TENM3: variants seen among roughly 807,000 people sequenced by gnomAD.
TENM3 encodes teneurin transmembrane protein 3.
In TENM3, 63 loss-of-function variants were observed where a neutral mutation model predicts 255.1. The observed-to-expected ratio is 0.25, with a 90% CI of 0.20 to 0.30. The LOEUF is 0.30. TENM3 is among the 10% of genes least tolerant of loss of function. The pLI, the probability that TENM3 is intolerant of heterozygous loss-of-function variation, is 1.00. For missense variants in TENM3, 2,929 were observed against 3,461.1 expected (o/e 0.85, Z 3.86); for synonymous variants, 1,306 against 1,322.3 (o/e 0.99, Z 0.27).
the TENM3 span, among the ~76,000 whole-genome samples, chr4:182,067,078 T>G: frequency 0.037 from 5,606 of 152,186 alleles, 316 homozygotes; most frequent in African/African-American, 0.13. Context: ...CGAGGGTCCT[T>G]TCTGTCTTTC....
the TENM3 span, among the ~76,000 whole-genome samples, chr4:181,831,395 C>T: frequency 6.6e-6 from 1 of 150,586 alleles, no homozygotes; most frequent in Non-Finnish European, 1.5e-5. Flanking sequence ...ATTTCGGCTA[C>T]AGAAGTTAGA....
intron 1 of TENM3, among the ~76,000 whole-genome samples, chr4:182,216,581 G>A (rs1755484714): frequency 6.6e-6 from 1 of 152,240 alleles, no homozygotes; most frequent in South Asian, 2.1e-4. Flanking sequence ...AAATAAAGGT[G>A]ATGTACGTGT....
chr4:181,605,605 G>GA, the TENM3 span, among the ~76,000 whole-genome samples: 29 of 122,300 alleles, frequency 2.4e-4, no homozygotes, highest in East Asian at 6.7e-3. Flanking sequence ...AAGAAAGAAA[G>GA]AAAGAAAGAA....
At chr4:182,735,373 G>C (rs1203729770) in intron 16 of TENM3, among the ~76,000 whole-genome samples, 1 of 152,116 alleles carries the variant, frequency 6.6e-6, no homozygotes, top group Non-Finnish European at 1.5e-5. Context: ...CATTCATGCT[G>C]CTTCCAACTG....
intron 4 of TENM3, among the ~76,000 whole-genome samples, chr4:182,622,282 G>C (rs2152457098): frequency 6.6e-6 from 1 of 150,946 alleles, no homozygotes; most frequent in Admixed American, 6.6e-5. Flanking sequence ...AGGAGGCGGA[G>C]GTTGCAGTGA....
At chr4:182,561,889 A>G (rs1743215900) in intron 3 of TENM3, among the ~76,000 whole-genome samples, 1 of 152,050 alleles carries the variant, frequency 6.6e-6, no homozygotes, top group Admixed American at 6.6e-5. Flanking sequence ...TAAAAATAAT[A>G]GCAAAACTGC....
the TENM3 span, among the ~76,000 whole-genome samples, chr4:181,842,742 T>C: frequency 6.6e-6 from 1 of 152,206 alleles, no homozygotes; most frequent in Non-Finnish European, 1.5e-5. Flanking sequence ...ATTATCATTT[T>C]TGAGGAAATG....
the TENM3 span, among the ~76,000 whole-genome samples, chr4:181,563,264 T>C: frequency 6.6e-6 from 1 of 152,172 alleles, no homozygotes; most frequent in African/African-American, 2.4e-5. Flanking sequence ...TCTGGAGTTC[T>C]GCTGGCAATC....
At chr4:181,535,913 T>C in the TENM3 span, among the ~76,000 whole-genome samples, 1 of 152,142 alleles carries the variant, frequency 6.6e-6, no homozygotes, top group East Asian at 1.9e-4. Flanking sequence ...TTCTGAATGC[T>C]TCTCATTTTG....
intron 1 of TENM3, among the ~76,000 whole-genome samples, chr4:182,246,952 G>A (rs967188390): frequency 1.3e-5 from 2 of 152,208 alleles, no homozygotes; most frequent in Non-Finnish European, 1.5e-5. Context: ...GGTGGATCAC[G>A]AGGGATGCCT....
At chr4:182,531,552 G>A (rs1336700279) in intron 3 of TENM3, among the ~76,000 whole-genome samples, 4 of 152,184 alleles carry the variant, frequency 2.6e-5, no homozygotes, top group Admixed American at 6.5e-5. Context: ...ATACTCACAA[G>A]TAAGATTTAC....
At chr4:182,366,425 ATATT>A (rs1421736352) in intron 3 of TENM3, among the ~76,000 whole-genome samples, 1 of 151,812 alleles carries the variant, frequency 6.6e-6, no homozygotes, top group African/African-American at 2.4e-5. Flanking sequence ...CATTTACTAT[ATATT>A]ATATAGATTA....
At chr4:181,915,158 G>A in the TENM3 span, among the ~76,000 whole-genome samples, 47 of 152,238 alleles carry the variant, frequency 3.1e-4, no homozygotes, top group Middle Eastern at 0.014. Flanking sequence ...CTTAGAGTGC[G>A]TCTGGGCTGG....
At chr4:181,791,262 G>A in the TENM3 span, among the ~76,000 whole-genome samples, 1 of 152,234 alleles carries the variant, frequency 6.6e-6, no homozygotes, top group African/African-American at 2.4e-5. Context: ...TGTTTCGATT[G>A]CCACATTTAT....
chr4:182,060,493 C>T, the TENM3 span, among the ~76,000 whole-genome samples: 3 of 152,070 alleles, frequency 2.0e-5, no homozygotes, highest in African/African-American at 4.8e-5. Context: ...GCCGCTGATC[C>T]GACAGGAGGC....
chr4:182,141,591 C>T (rs1234318004), upstream of TENM3: 2 of 152,180 alleles, frequency 1.3e-5, no homozygotes. Flanking sequence ...TGTCCACCAG[C>T]GACGCCTGGC....
chr4:182,161,945 T>TTG (rs1202720848), intron 1 of TENM3, among the ~76,000 whole-genome samples: 194 of 16,466 alleles, frequency 0.012, 35 homozygotes, highest in African/African-American at 0.03. Context: ...ATATATATAT[T>TTG]TGTGTGTGTG....
chr4:181,544,408 TAAAAAAAAAAAAAAA>T, the TENM3 span, among the ~76,000 whole-genome samples: 1 of 68,672 alleles, frequency 1.5e-5, no homozygotes, highest in Non-Finnish European at 2.7e-5. Flanking sequence ...CCTTCAGGAT[TAAAAAAAAAAAAAAA>T]AAAAAAAAAA....
the TENM3 span, among the ~76,000 whole-genome samples, chr4:182,116,809 T>C: frequency 1.3e-5 from 2 of 152,336 alleles, no homozygotes; most frequent in Non-Finnish European, 2.9e-5. Context: ...AATCAACTAC[T>C]AAAGGATATA....
Sources: allele counts gnomAD v4.1 joint callset (sites outside exome capture counted in the v4.1 genomes callset), GRCh38; gene constraint gnomAD v4.1.1; transcripts MANE v1.5; gene names NCBI Gene and HGNC (gene_info 2026-07-23, HGNC 2026-07-21).